The following SHISA9 variants were observed in gnomAD, a reference collection of about 807,000 sequenced individuals.
SHISA9 encodes the protein shisa family member 9.
SHISA9 carries 13 observed loss-of-function variants against 38.0 expected under a neutral mutation model. The ratio of observed to expected loss-of-function variants is 0.34; its 90% CI spans 0.22 to 0.54. SHISA9 has a LOEUF of 0.54. SHISA9 is among the 20% of genes least tolerant of loss of function. The pLI, the probability that SHISA9 is intolerant of heterozygous loss-of-function variation, is 0.91. For synonymous variants in SHISA9, 275 were observed against 242.0 expected (o/e 1.14, Z -1.27); for missense variants, 538 against 575.8 (o/e 0.93, Z 0.67).
At chr16:13,109,664 C>T (rs1456633860) in intron 2 of SHISA9, among the ~76,000 whole-genome samples, 2 of 152,122 alleles carry the variant, frequency 1.3e-5, no homozygotes, top group African/African-American at 4.8e-5. Context: ...CCAATAAGAT[C>T]CTTGTGCCTG....
the SHISA9 span, among the ~76,000 whole-genome samples, chr16:13,325,538 T>C: frequency 1.3e-5 from 2 of 152,182 alleles, no homozygotes; most frequent in Non-Finnish European, 2.9e-5. Context: ...AGCATGTATT[T>C]ATACATACTA....
the SHISA9 span, among the ~76,000 whole-genome samples, chr16:13,502,043 C>G: frequency 6.7e-6 from 1 of 150,022 alleles, no homozygotes; most frequent in East Asian, 1.9e-4. Context: ...AATAAATGAA[C>G]AGATGGATGA....
At chr16:13,499,634 AC>A in the SHISA9 span, among the ~76,000 whole-genome samples, 1 of 152,080 alleles carries the variant, frequency 6.6e-6, no homozygotes, top group Admixed American at 6.6e-5. Flanking sequence ...TAATAAAAAA[AC>A]ATTTATTTTT....
intron 2 of SHISA9, among the ~76,000 whole-genome samples, chr16:13,012,971 C>T (rs542843838): frequency 3.3e-5 from 5 of 152,240 alleles, no homozygotes; most frequent in Admixed American, 6.5e-5. Flanking sequence ...TTCGGCATCC[C>T]GGAGGGAGGG....
the SHISA9 span, among the ~76,000 whole-genome samples, chr16:13,333,945 T>C: frequency 6.6e-6 from 1 of 152,220 alleles, no homozygotes; most frequent in African/African-American, 2.4e-5. Context: ...AGACTGTCTC[T>C]GTTGTAACTA....
intron 2 of SHISA9, among the ~76,000 whole-genome samples, chr16:13,011,017 C>T (rs911535778): frequency 2.8e-4 from 43 of 152,182 alleles, no homozygotes; most frequent in Admixed American, 1.5e-3. Flanking sequence ...CCTTCCTCTC[C>T]GATATTCTTG....
At chr16:13,288,619 C>T in the SHISA9 span, among the ~76,000 whole-genome samples, 3 of 152,060 alleles carry the variant, frequency 2.0e-5, no homozygotes, top group African/African-American at 4.8e-5. Context: ...CATGACAAAA[C>T]GCTGTCTCTA....
chr16:13,296,204 C>T, the SHISA9 span, among the ~76,000 whole-genome samples: 15 of 151,464 alleles, frequency 9.9e-5, no homozygotes, highest in Admixed American at 4.6e-4. Flanking sequence ...AAAGAAAAGA[C>T]TTCTGCTTTT....
intron 2 of SHISA9, among the ~76,000 whole-genome samples, chr16:13,019,932 TTTCTTTCTTTCTTTC>T (rs1567184191): frequency 5.5e-5 from 5 of 90,584 alleles, no homozygotes; most frequent in South Asian, 4.0e-4. Flanking sequence ...TCTTTCTTTC[TTTCTTTCTTTCTTTC>T]TTTCTTTCTT....
intron 2 of SHISA9, among the ~76,000 whole-genome samples, chr16:13,106,993 TC>T (rs2073931869): frequency 6.6e-6 from 1 of 151,980 alleles, no homozygotes; most frequent in Non-Finnish European, 1.5e-5. Context: ...TCTCTCTCTC[TC>T]TCTCTCTCTG....
chr16:12,942,124 A>G lies in SHISA9; in HGVS notation c.691+25309A>G, dbSNP rs1444575875. Among the ~76,000 whole-genome samples, 4 of 152,342 alleles carry G rather than the reference A, an allele frequency of 2.6e-5. 1 individual carries two copies. The highest frequency in any genetic ancestry group is 4.8e-5 in the African/African-American group (2 of 41,588). On this transcript the variant is annotated intron_variant, in intron 2 of 4. Coordinates refer to ENST00000558583, the MANE Select transcript of SHISA9 (RefSeq NM_001145204.3). ...AACAGCTTGAATTAATCATGGAGAC[A>G]GGAGGTAAAGAACAGGGATGCTGTG... is the stretch of plus-strand genomic sequence containing the variant.
intron 2 of SHISA9, among the ~76,000 whole-genome samples, chr16:13,109,023 A>G (rs1179687129): frequency 6.6e-6 from 1 of 152,150 alleles, no homozygotes; most frequent in African/African-American, 2.4e-5. Context: ...GGCTCTCTCT[A>G]GACTCCAGAG....
chr16:13,022,248 C>A (rs2072865113), intron 2 of SHISA9, among the ~76,000 whole-genome samples: 1 of 151,714 alleles, frequency 6.6e-6, no homozygotes, highest in African/African-American at 2.4e-5. Flanking sequence ...AATTCCTGGA[C>A]TGAAGCCATC....
intron 2 of SHISA9, among the ~76,000 whole-genome samples, chr16:13,077,803 C>G (rs2073600875): frequency 6.6e-6 from 1 of 152,136 alleles, no homozygotes; most frequent in Non-Finnish European, 1.5e-5. Flanking sequence ...GCTGCCACTT[C>G]TAATTACAGC....
chr16:13,514,652 A>C, the SHISA9 span, among the ~76,000 whole-genome samples: 1 of 152,176 alleles, frequency 6.6e-6, no homozygotes, highest in African/African-American at 2.4e-5. Flanking sequence ...AGAGGCAAAA[A>C]AGAAAGAATA....
At chr16:12,927,768 C>A (rs7202011) in intron 2 of SHISA9, among the ~76,000 whole-genome samples, 1 of 151,896 alleles carries the variant, frequency 6.6e-6, no homozygotes. Flanking sequence ...TCCCACCCCC[C>A]ATAGATCTGT....
chr16:13,392,346 G>C, the SHISA9 span, among the ~76,000 whole-genome samples: 4 of 152,088 alleles, frequency 2.6e-5, no homozygotes, highest in East Asian at 7.7e-4. Flanking sequence ...CATGGTAAAA[G>C]TGGAAAGCAT....
At chr16:12,902,867 T>TGTGTGA (rs1177790785) in intron 1 of SHISA9, 17 of 503,168 alleles carry the variant, frequency 3.4e-5, no homozygotes, top group East Asian at 2.8e-4. Context: ...TGTGTGTGTG[T>TGTGTGA]GACTCTGCTC....
chr16:13,035,645 C>T (rs1412669729), intron 2 of SHISA9, among the ~76,000 whole-genome samples: 1 of 152,066 alleles, frequency 6.6e-6, no homozygotes, highest in East Asian at 1.9e-4. Context: ...ATTCTCCTGT[C>T]TCAGCCTCTC....
Sources: gnomAD v4.1 joint callset for allele counts (sites outside exome capture counted in the v4.1 genomes callset) on GRCh38, gnomAD v4.1.1 for gene constraint, MANE v1.5 for transcripts, NCBI Gene and HGNC (gene_info 2026-07-23, HGNC 2026-07-21) for gene names.